The following CHD2 variants were observed in gnomAD, a reference collection of about 807,000 sequenced individuals.
CHD2 encodes chromodomain helicase DNA binding protein 2.
In CHD2, 28 loss-of-function variants were observed where a neutral mutation model predicts 243.9. The observed-to-expected ratio is 0.11, with a 90% CI of 0.09 to 0.16. CHD2 has a LOEUF of 0.16. Ranked by LOEUF, CHD2 falls within the 10% of genes least tolerant of loss-of-function variation. The pLI, the probability that CHD2 is intolerant of heterozygous loss-of-function variation, is 1.00. For missense variants in CHD2, 1,386 were observed against 2,209.8 expected, an observed-to-expected ratio of 0.63 and a Z score of 7.47; for synonymous variants, 775 against 779.0, an observed-to-expected ratio of 0.99 and a Z score of 0.09.
At chr15:92,902,444 A>G (rs1363638068) in intron 2 of CHD2, 1 of 341,644 alleles carries the variant, frequency 2.9e-6, no homozygotes, top group African/African-American at 2.1e-5. Context: ...CCCAATTTTT[A>G]CTTTTCTAAT....
intron 2 of CHD2, among the ~76,000 whole-genome samples, chr15:92,922,145 C>A (rs1220859714): frequency 1.3e-5 from 2 of 152,100 alleles, no homozygotes; most frequent in African/African-American, 4.8e-5. Flanking sequence ...TTTTGGCCCC[C>A]TATGGTAAAA....
At chr15:92,935,370 C>T (rs1042826349) in intron 5 of CHD2, among the ~76,000 whole-genome samples, 9 of 152,130 alleles carry the variant, frequency 5.9e-5, no homozygotes, top group African/African-American at 2.2e-4. Flanking sequence ...ATTCTAAGTC[C>T]TCCTGGTTGT....
chr15:92,975,426 G>C lies in CHD2; in HGVS notation c.2577+476G>C, dbSNP rs563319783. 6.5e-4 allele frequency among the ~76,000 whole-genome samples: 99 copies of C among 152,336 alleles called. 2 individuals carry two copies. Among genetic ancestry groups the C allele is most frequent in the African/African-American group, 2.3e-3 (96 of 41,568 alleles). The stretch of plus-strand genomic sequence containing the variant: ...GTGTCGAGCTTGGATTTGGCATTAT[G>C]AAGTATTTTGTTTGGGGGGCACATA... On this transcript the variant is annotated intron_variant, in intron 20 of 38. Transcript: ENST00000394196.
At chr15:92,983,845 T>C (rs2054009450) in intron 24 of CHD2, among the ~76,000 whole-genome samples, 1 of 152,234 alleles carries the variant, frequency 6.6e-6, no homozygotes, top group African/African-American at 2.4e-5. Flanking sequence ...TCTTTAACTT[T>C]CATATTTTTG....
chr15:92,932,973 C>G (rs1349337094), intron 5 of CHD2, among the ~76,000 whole-genome samples: 1 of 151,704 alleles, frequency 6.6e-6, no homozygotes, highest in East Asian at 1.9e-4. Flanking sequence ...GAACTCCTGA[C>G]CTCAGGTGAT....
Position 93,026,162 on chromosome 15 carries a change from A to G in CHD2, c.*1457A>G, listed in dbSNP as rs949672688. On this transcript the variant is annotated 3_prime_UTR_variant, in exon 39 of 39. Coordinates refer to ENST00000394196, the MANE Select transcript of CHD2 (RefSeq NM_001271.4). ...TCAGTATAGATTGCCAGTATTGTTA[A>G]GAGTATCCAAAGGCCTTTCTAGATG... The G allele has an allele frequency of 7.2e-5, 11 of 152,672 alleles. No homozygotes were observed. Among genetic ancestry groups the G allele is most frequent in the Admixed American group, 7.2e-4 (11 of 15,288 alleles). The allele number at this position is 152,672 out of a possible 1,614,324, so 9.5% of individuals were successfully genotyped here. A position where few individuals can be genotyped will look rare whatever the true frequency, so the allele number is the denominator to read the frequency against.
intron 38 of CHD2, among the ~76,000 whole-genome samples, chr15:93,023,119 C>G (rs984415704): frequency 6.6e-6 from 1 of 152,202 alleles, no homozygotes; most frequent in Non-Finnish European, 1.5e-5. Flanking sequence ...CCACTTCTAT[C>G]TAGTTCCAAA....
chr15:92,944,008 G>T (rs993051928), intron 9 of CHD2: 2 of 152,358 alleles, frequency 1.3e-5, no homozygotes, highest in Non-Finnish European at 2.9e-5. Flanking sequence ...TTGGTAATAA[G>T]AATAACTAGT....
At chr15:92,904,598 C>A in intron 2 of CHD2, 1 of 1,129,874 alleles carries the variant, frequency 8.9e-7, no homozygotes, top group Non-Finnish European at 1.1e-6. Flanking sequence ...GGTCCGCACC[C>A]TGTAGTGTGT....
chr15:92,942,018 A>G, intron 8 of CHD2, 63 bp downstream of exon 8: 1 of 1,484,814 alleles, frequency 6.7e-7, no homozygotes, highest in Non-Finnish European at 9.2e-7. Flanking sequence ...GATTTTAGGT[A>G]TTTTAACTCT....
At chr15:92,999,471 T>C (rs148461260) in intron 31 of CHD2, among the ~76,000 whole-genome samples, 1 of 152,352 alleles carries the variant, frequency 6.6e-6, no homozygotes, top group Non-Finnish European at 1.5e-5. Context: ...CCCCAATTTA[T>C]AATTTCAGTT....
At chr15:92,951,693 C>T (rs1371687951) in intron 13 of CHD2, among the ~76,000 whole-genome samples, 1 of 152,074 alleles carries the variant, frequency 6.6e-6, no homozygotes, top group Non-Finnish European at 1.5e-5. Context: ...TGTGCTTCCT[C>T]CTGAATAGTA....
chr15:92,974,269 A>C (rs2053879412), intron 19 of CHD2, among the ~76,000 whole-genome samples: 1 of 152,202 alleles, frequency 6.6e-6, no homozygotes, highest in Non-Finnish European at 1.5e-5. Flanking sequence ...ATGCTAATAA[A>C]TGCCAGGGGC....
intron 5 of CHD2, among the ~76,000 whole-genome samples, chr15:92,931,851 A>G (rs1174804116): frequency 6.7e-6 from 1 of 149,592 alleles, no homozygotes; most frequent in Admixed American, 6.7e-5. Context: ...GATTTAAAAC[A>G]TTGCTGACGT....
intron 13 of CHD2, 150 bp downstream of exon 13, chr15:92,949,226 T>G: frequency 6.8e-7 from 1 of 1,462,452 alleles, no homozygotes; most frequent in Non-Finnish European, 8.9e-7. Flanking sequence ...AAAAGATGAT[T>G]GAGAGAAATG....
intron 2 of CHD2, chr15:92,904,420 G>T: frequency 2.0e-6 from 2 of 982,744 alleles, no homozygotes; most frequent in Non-Finnish European, 2.4e-6. Context: ...GGGAGAGAAC[G>T]CAGTGACGTC....
rs1596463906 is a variant in CHD2 at position 93,024,445 on chromosome 15, C to T, written c.5227C>T (p.Arg1743Ter). The T allele has an allele frequency of 2.5e-6, 4 of 1,614,198 alleles. No individual in the cohort carries two copies. Among genetic ancestry groups the T allele is most frequent in the East Asian group, 2.2e-5 (1 of 44,888 alleles). ...AAATTACCACCAGCAGGATTTCCGA[C>T]GAATGTCTGATCACCGCCCCGCTAT... ...PQNYHQQDFR[R>*]MSDHRPAMGY... The change falls in exon 39 of 39, where the codon CGA (arginine) becomes TGA (stop). Residue 1743 changes from arginine (R) to a stop codon, truncating the protein, a stop_gained. Transcript: ENST00000394196. LOFTEE classifies it high-confidence loss of function.
intron 2 of CHD2, among the ~76,000 whole-genome samples, chr15:92,911,910 C>T (rs1172276011): frequency 6.6e-6 from 1 of 152,110 alleles, no homozygotes; most frequent in African/African-American, 2.4e-5. Context: ...GTGATTGATG[C>T]CAGTCACACA....
intron 2 of CHD2, among the ~76,000 whole-genome samples, chr15:92,909,549 G>C (rs572230045): frequency 6.6e-6 from 1 of 152,098 alleles, no homozygotes; most frequent in Non-Finnish European, 1.5e-5. Context: ...ACCCAGCCTC[G>C]TGGTGGTATT....
Sources: gnomAD v4.1 joint callset for allele counts (sites outside exome capture counted in the v4.1 genomes callset) on GRCh38, gnomAD v4.1.1 for gene constraint, MANE v1.5 for transcripts, NCBI Gene and HGNC (gene_info 2026-07-23, HGNC 2026-07-21) for gene names.